The following ZNF277 variants were observed in gnomAD, a reference collection of about 807,000 sequenced individuals.
ZNF277 encodes the protein nuclear receptor-interacting factor 4.
A neutral mutation model predicts 60.7 loss-of-function variants in ZNF277; 55 were observed. That is an observed-to-expected ratio of 0.91 (90% CI 0.73 to 1.13). ZNF277 has a LOEUF of 1.13. Ranked by LOEUF, ZNF277 falls within the 50% of genes most tolerant of loss-of-function variation. ZNF277 has a pLI of 0.00. For synonymous variants in ZNF277, 178 were observed against 179.3 expected, an observed-to-expected ratio of 0.99 and a Z score of 0.06; for missense variants, 510 against 523.0, an observed-to-expected ratio of 0.98 and a Z score of 0.24.
At chr7:112,220,925 C>T (rs1389511282) in intron 1 of ZNF277, among the ~76,000 whole-genome samples, 2 of 152,188 alleles carry the variant, frequency 1.3e-5, no homozygotes, top group African/African-American at 4.8e-5. Flanking sequence ...TGGGTCCCCT[C>T]CCTTTGTATG....
chr7:112,328,012 T>G (rs933310337), intron 6 of ZNF277, among the ~76,000 whole-genome samples, 185 bp downstream of exon 6: 12 of 152,214 alleles, frequency 7.9e-5, no homozygotes, highest in Admixed American at 5.2e-4. Context: ...TTTTTTAAAT[T>G]TTTCAAATAC....
At chr7:112,257,880 C>T (rs185796464) in intron 1 of ZNF277, among the ~76,000 whole-genome samples, 71 of 152,014 alleles carry the variant, frequency 4.7e-4, no homozygotes, top group African/African-American at 1.7e-3. Context: ...GTGGCCCATT[C>T]GTAACTCACA....
intron 2 of ZNF277, chr7:112,289,081 T>C (rs1792142518): frequency 6.6e-6 from 1 of 152,148 alleles, no homozygotes. Flanking sequence ...CGAAGGTATA[T>C]TTGAAATCTT....
At chr7:112,253,883 T>C (rs576265683) in intron 1 of ZNF277, among the ~76,000 whole-genome samples, 66 of 152,192 alleles carry the variant, frequency 4.3e-4, no homozygotes, top group Non-Finnish European at 5.7e-4. Flanking sequence ...TTCTCAGAAA[T>C]GCTAAAGTTC....
intron 1 of ZNF277, among the ~76,000 whole-genome samples, chr7:112,278,369 G>T (rs1194291491): frequency 2.0e-5 from 3 of 152,126 alleles, no homozygotes; most frequent in African/African-American, 7.2e-5. Flanking sequence ...CTGTGTTGGG[G>T]CCCTAGAGTG....
chr7:112,219,845 C>T (rs1033655793), intron 1 of ZNF277, among the ~76,000 whole-genome samples: 3 of 152,170 alleles, frequency 2.0e-5, no homozygotes, highest in Non-Finnish European at 2.9e-5. Flanking sequence ...TATGTTAGCC[C>T]AGTCTGGTCT....
chr7:112,339,349 C>G (rs926516893), intron 9 of ZNF277, among the ~76,000 whole-genome samples: 1 of 152,134 alleles, frequency 6.6e-6, no homozygotes, highest in Non-Finnish European at 1.5e-5. Context: ...TATGGAGTCT[C>G]GCTGTGTCAC....
intron 7 of ZNF277, among the ~76,000 whole-genome samples, chr7:112,331,196 G>A (rs1793223516): frequency 6.6e-6 from 1 of 152,134 alleles, no homozygotes; most frequent in Non-Finnish European, 1.5e-5. Flanking sequence ...GACAGTGGGG[G>A]ATGGGGAGAG....
intron 4 of ZNF277, among the ~76,000 whole-genome samples, chr7:112,308,836 G>A (rs1420521388): frequency 6.6e-6 from 1 of 152,054 alleles, no homozygotes; most frequent in African/African-American, 2.4e-5. Flanking sequence ...GCCTTCATAA[G>A]GAAATGAAGA....
At chr7:112,208,969 G>C (rs562982935) in intron 1 of ZNF277, among the ~76,000 whole-genome samples, 1 of 152,074 alleles carries the variant, frequency 6.6e-6, no homozygotes, top group Non-Finnish European at 1.5e-5. Flanking sequence ...GTAAGCCACC[G>C]CGCCCGGCCT....
At chr7:112,298,073 T>A (rs1036794515) in intron 4 of ZNF277, among the ~76,000 whole-genome samples, 1 of 152,222 alleles carries the variant, frequency 6.6e-6, no homozygotes, top group African/African-American at 2.4e-5. Flanking sequence ...ACATGCTCGT[T>A]GAATTTCTGC....
intron 4 of ZNF277, among the ~76,000 whole-genome samples, chr7:112,306,574 A>C (rs1792599926): frequency 1.3e-5 from 2 of 152,032 alleles, no homozygotes; most frequent in Admixed American, 6.5e-5. Flanking sequence ...GCATGTCAGC[A>C]AAAAGGGAAT....
chr7:112,209,273 G>A (rs1022725206), intron 1 of ZNF277, among the ~76,000 whole-genome samples: 3 of 152,156 alleles, frequency 2.0e-5, no homozygotes, highest in Non-Finnish European at 4.4e-5. Context: ...AAAATTGCTG[G>A]ATCAAAGGTT....
At chr7:112,237,912 G>T (rs77028615) in intron 1 of ZNF277, among the ~76,000 whole-genome samples, 6 of 152,166 alleles carry the variant, frequency 3.9e-5, no homozygotes, top group African/African-American at 9.7e-5. Context: ...GAAGATAGAT[G>T]CAGAAATCTT....
chr7:112,254,324 C>T, intron 1 of ZNF277, among the ~76,000 whole-genome samples: 1 of 152,280 alleles, frequency 6.6e-6, no homozygotes, highest in Non-Finnish European at 1.5e-5. Context: ...ATACTCCAAA[C>T]CTACTGAATC....
rs373570411 is a variant in ZNF277 at position 112,278,617 on chromosome 7, A to G, written c.92-8256A>G. Among the ~76,000 whole-genome samples, 110 of 152,278 alleles carry G rather than the reference A, an allele frequency of 7.2e-4. 1 individual carries two copies. The South Asian group carries it at 0.019, about 26-fold the overall frequency. On this transcript the variant is annotated intron_variant, in intron 1 of 11. Coordinates refer to ENST00000361822, the MANE Select transcript of ZNF277 (RefSeq NM_021994.3). Reference sequence around the variant, plus strand: ...ATCAGGTGGATATTTTGATTAATTCATTTTATGTTGTGGAAACAGGCTAAG... The same window carrying G: ...ATCAGGTGGATATTTTGATTAATTCGTTTTATGTTGTGGAAACAGGCTAAG...
intron 4 of ZNF277, among the ~76,000 whole-genome samples, chr7:112,312,957 ATGTATAAG>A (rs1170202314): frequency 2.0e-5 from 3 of 152,250 alleles, no homozygotes; most frequent in African/African-American, 7.2e-5. Flanking sequence ...TTCATATTTT[ATGTATAAG>A]TGAAAAATGG....
chr7:112,247,039 CACACTGT>C (rs1300497145), intron 1 of ZNF277, among the ~76,000 whole-genome samples: 2 of 152,286 alleles, frequency 1.3e-5, no homozygotes, highest in Non-Finnish European at 1.5e-5. Flanking sequence ...TGCCACATTG[CACACTGT>C]AACCCATACC....
At chr7:112,244,634 A>G (rs953809008) in intron 1 of ZNF277, among the ~76,000 whole-genome samples, 6 of 152,122 alleles carry the variant, frequency 3.9e-5, no homozygotes, top group Admixed American at 2.6e-4. Flanking sequence ...TATTTTCCCT[A>G]ACCAGTTTTT....
Sources: allele counts gnomAD v4.1 joint callset (sites outside exome capture counted in the v4.1 genomes callset), GRCh38; gene constraint gnomAD v4.1.1; transcripts MANE v1.5; gene names NCBI Gene and HGNC (gene_info 2026-07-23, HGNC 2026-07-21).